The following PCYOX1L variants were observed in gnomAD, a reference collection of about 807,000 sequenced individuals.
PCYOX1L encodes prenylcysteine oxidase 1 like.
Under a neutral mutation model 44.1 loss-of-function variants are expected in PCYOX1L, and 40 were observed. That is an observed-to-expected ratio of 0.91 (90% CI 0.70 to 1.18). PCYOX1L has a LOEUF of 1.18. Among genes scored for constraint, PCYOX1L ranks in the 50% most tolerant of loss-of-function variants. The pLI is 0.00. For synonymous variants in PCYOX1L, 266 were observed against 282.8 expected, an observed-to-expected ratio of 0.94 and a Z score of 0.60; for missense variants, 605 against 653.3, an observed-to-expected ratio of 0.93 and a Z score of 0.81.
At chr5:149,364,418 T>C in intron 3 of PCYOX1L, 2 of 572,758 alleles carry the variant, frequency 3.5e-6, no homozygotes, top group Non-Finnish European at 6.1e-6. Flanking sequence ...TCACATTGAC[T>C]CTCATTTTCT....
At chr5:149,362,547 A>G (rs1160675016) in intron 1 of PCYOX1L, 90 bp from the exon 2 acceptor site, 2 of 1,368,002 alleles carry the variant, frequency 1.5e-6, no homozygotes, top group Non-Finnish European at 2.0e-6. Context: ...CCTGGGAACC[A>G]CCAGCGCAGG....
At chr5:149,360,717 C>G (rs1450139619) in intron 1 of PCYOX1L, among the ~76,000 whole-genome samples, 1 of 152,110 alleles carries the variant, frequency 6.6e-6, no homozygotes, top group Non-Finnish European at 1.5e-5. Flanking sequence ...TGATGGCACT[C>G]CTATCAAAGG....
chr5:149,361,438 G>C (rs1483616780), intron 1 of PCYOX1L, among the ~76,000 whole-genome samples: 1 of 152,146 alleles, frequency 6.6e-6, no homozygotes, highest in East Asian at 1.9e-4. Context: ...CCTGTCCCAG[G>C]AAACATTCTT....
In PCYOX1L at chr5:149,358,055, G is replaced by A. The variant is rs112668149; in HGVS notation, c.-14G>A. On this transcript the variant is annotated 5_prime_UTR_variant, in exon 1 of 6. Coordinates refer to ENST00000274569, the MANE Select transcript of PCYOX1L (RefSeq NM_024028.4). ...AGCGCCTGAATCCGGCGTGCTGCCC[G>A]CTCGCCGCCCGCCATGGCCCGCGCA... The A allele has an allele frequency of 2.3e-6, 3 of 1,329,266 alleles. No homozygotes were observed. Among genetic ancestry groups the A allele is most frequent in the African/African-American group, 1.5e-5 (1 of 64,900 alleles). 82.3% of individuals were successfully genotyped at this position (1,329,266 alleles called of 1,614,324 possible). A position where few individuals can be genotyped will look rare whatever the true frequency, so the allele number is the denominator to read the frequency against.
At chr5:149,366,555 G>C (rs577530461) in intron 4 of PCYOX1L, among the ~76,000 whole-genome samples, 1 of 152,204 alleles carries the variant, frequency 6.6e-6, no homozygotes, top group African/African-American at 2.4e-5. Flanking sequence ...GGGCCTGTGT[G>C]TAGCTCACTG....
rs751737546 is a variant in PCYOX1L at position 149,368,028 on chromosome 5, G to A, written c.859G>A (p.Glu287Lys). 2 of 1,556,186 alleles carry A rather than the reference G, an allele frequency of 1.3e-6. No individual in the cohort carries two copies. The highest frequency in any genetic ancestry group is 1.7e-6 in the Non-Finnish European group (2 of 1,154,684). ...KALYQVAYEN[E>K]VGNSSDFYDI... ...CCTGTACCAGGTGGCGTATGAGAAT[G>A]AGGTAGGCAACAGCTCTGACTTCTA... The change falls in exon 6 of 6, where the codon GAG (glutamate) becomes AAG (lysine). Residue 287 changes from glutamate to lysine, a missense_variant. Transcript: ENST00000274569.
intron 5 of PCYOX1L, 86 bp downstream of exon 5, chr5:149,367,586 T>A: frequency 6.4e-7 from 1 of 1,553,502 alleles, no homozygotes; most frequent in Non-Finnish European, 8.7e-7. Flanking sequence ...TCAGCCCTGG[T>A]CTGTGATCCC....
rs371475932 is a variant in PCYOX1L at position 149,366,102 on chromosome 5, G to C, written c.631G>C (p.Ala211Pro). The C allele has an allele frequency of 6.2e-7, 1 of 1,613,998 alleles. No homozygotes were observed. Among genetic ancestry groups the C allele is most frequent in the Non-Finnish European group, 8.5e-7 (1 of 1,180,036 alleles). The change falls in exon 4 of 6, where the codon GCT becomes CCT. Residue 211 changes from alanine (A) to proline (P), a missense_variant. By Grantham distance (27) the Ala-to-Pro change is conservative. Coordinates refer to ENST00000274569, the MANE Select transcript of PCYOX1L (RefSeq NM_024028.4). ...GCGCTTTATTGATGATGTCGTTTCT[G>C]CTGTCCTGCGGGCCAGCTATGGCCA... Reference protein sequence around the residue: ...TQRFIDDVVSAVLRASYGQSA... With the variant: ...TQRFIDDVVSPVLRASYGQSA...
intron 4 of PCYOX1L, among the ~76,000 whole-genome samples, chr5:149,366,844 A>G (rs1423528052): frequency 6.6e-6 from 1 of 152,174 alleles, no homozygotes; most frequent in Non-Finnish European, 1.5e-5. Flanking sequence ...CTCTTTCAGT[A>G]TCTTGTGTGT....
In PCYOX1L at chr5:149,362,856, TCCTGGGGCTCCAGTGCCCAGCGC is replaced by T. The variant is rs934405481; in HGVS notation, c.295+23_295+45del. 1 of 1,613,136 alleles carries T rather than the reference TCCTGGGGCTCCAGTGCCCAGCGC, an allele frequency of 6.2e-7. No homozygotes were observed. Among genetic ancestry groups the T allele is most frequent in the Non-Finnish European group, 8.5e-7 (1 of 1,179,976 alleles). ...GTCAAGCTGCTGGGTGAGTGGTCAGTCCTGGGGCTCCAGTGCCCAGCGCCCTGGGGCTGGTGACAGCACTGGGC... is the reference window on the plus strand; with the variant it reads ...GTCAAGCTGCTGGGTGAGTGGTCAGTCCTGGGGCTGGTGACAGCACTGGGC... On this transcript the variant is annotated intron_variant, in intron 2 of 5. Transcript: ENST00000274569.
intron 3 of PCYOX1L, chr5:149,365,540 A>T (rs1758168457): frequency 8.3e-6 from 2 of 240,836 alleles, no homozygotes; most frequent in Non-Finnish European, 8.3e-6. Flanking sequence ...ATGAAGTTGC[A>T]GTGTGTCATC....
chr5:149,366,340 TCA>T (rs962367164), intron 4 of PCYOX1L, among the ~76,000 whole-genome samples, 187 bp downstream of exon 4: 1 of 152,246 alleles, frequency 6.6e-6, no homozygotes, highest in African/African-American at 2.4e-5. Flanking sequence ...TCACCCCACT[TCA>T]CAGACAGTGA....
chr5:149,360,739 A>G (rs1693919), intron 1 of PCYOX1L, among the ~76,000 whole-genome samples: 82,315 of 152,024 alleles, frequency 0.54, 23,382 homozygotes, highest in African/African-American at 0.72. Context: ...AACAGCTCGG[A>G]CAAAGGCCCA....
chr5:149,366,724 T>A (rs1013865248), intron 4 of PCYOX1L, among the ~76,000 whole-genome samples: 1 of 152,210 alleles, frequency 6.6e-6, no homozygotes, highest in Non-Finnish European at 1.5e-5. Flanking sequence ...AGGTTTACAA[T>A]AACAAGCACC....
chr5:149,367,594 C>G, intron 5 of PCYOX1L, 94 bp downstream of exon 5: 1 of 1,510,420 alleles, frequency 6.6e-7, no homozygotes, highest in East Asian at 2.4e-5. Flanking sequence ...GGTCTGTGAT[C>G]CCCCTGGGGA....
intron 4 of PCYOX1L, 97 bp from the exon 5 acceptor site, chr5:149,367,263 T>C: frequency 6.9e-7 from 1 of 1,447,028 alleles, no homozygotes; most frequent in Non-Finnish European, 9.2e-7. Context: ...AGAGTTTTGC[T>C]CTGGCAGGGA....
chr5:149,361,934 A>G (rs891175858), intron 1 of PCYOX1L: 1 of 142,462 alleles, frequency 7.0e-6, no homozygotes, highest in East Asian at 1.9e-4. Context: ...TGGCAGATAC[A>G]TTCCAGTCTT....
intron 1 of PCYOX1L, among the ~76,000 whole-genome samples, chr5:149,358,872 C>T (rs944902078): frequency 2.0e-5 from 3 of 152,082 alleles, no homozygotes; most frequent in Non-Finnish European, 4.4e-5. Flanking sequence ...TGTATACCCA[C>T]CACCTACATT....
chr5:149,364,067 G>T lies in PCYOX1L; in HGVS notation c.327G>T (p.Arg109Ser). Reference protein sequence around the residue: ...GLRHRREVVGRSAIFGGEHFM... With the variant: ...GLRHRREVVGSSAIFGGEHFM... ...GGCACCGGCGCGAGGTGGTGGGCAG[G>T]AGCGCCATCTTCGGCGGGGAGCACT... Residue 109 changes from arginine to serine, a missense_variant, in exon 3 of 6, where the codon AGG becomes AGT. Physicochemically the swap from Arg to Ser is moderately radical, Grantham distance 110. Coordinates refer to ENST00000274569, the MANE Select transcript of PCYOX1L (RefSeq NM_024028.4). 1 of 1,614,082 alleles carries T rather than the reference G, an allele frequency of 6.2e-7. No homozygotes were observed. Among genetic ancestry groups the T allele is most frequent in the East Asian group, 2.2e-5 (1 of 44,874 alleles).
Sources: allele counts gnomAD v4.1 joint callset (sites outside exome capture counted in the v4.1 genomes callset), GRCh38; gene constraint gnomAD v4.1.1; transcripts MANE v1.5; gene names NCBI Gene and HGNC (gene_info 2026-07-23, HGNC 2026-07-21).